NSD1: variants seen among roughly 807,000 people sequenced by gnomAD.
The protein encoded by NSD1 is nuclear receptor binding SET domain protein 1, also known as histone-lysine N-methyltransferase, H3 lysine-36 specific.
Under a neutral mutation model 242.7 loss-of-function variants are expected in NSD1, and 26 were observed. The ratio of observed to expected loss-of-function variants is 0.11; its 90% CI spans 0.08 to 0.15. NSD1 has a LOEUF of 0.15. Among genes scored for constraint, NSD1 ranks in the 10% least tolerant of loss-of-function variants. NSD1 has a pLI of 1.00. For missense variants in NSD1, 2,495 were observed against 3,272.8 expected (o/e 0.76, Z 5.80); for synonymous variants, 1,106 against 1,178.1 (o/e 0.94, Z 1.25).
chr5:177,147,090 G>A (rs1273602570), intron 2 of NSD1, among the ~76,000 whole-genome samples: 1 of 151,506 alleles, frequency 6.6e-6, no homozygotes, highest in Non-Finnish European at 1.5e-5. Context: ...TACATCCATC[G>A]TCTTCTTGGC....
chr5:177,207,881 C>T (rs1453324063), intron 4 of NSD1, among the ~76,000 whole-genome samples: 5 of 151,736 alleles, frequency 3.3e-5, no homozygotes, highest in African/African-American at 1.2e-4. Flanking sequence ...TAGCTGGGAC[C>T]ATATGCATGC....
chr5:177,164,149 C>CTTTT (rs56076836), intron 2 of NSD1, among the ~76,000 whole-genome samples: 24 of 138,386 alleles, frequency 1.7e-4, no homozygotes, highest in Non-Finnish European at 2.1e-4. Context: ...AAAATGTAAC[C>CTTTT]TTTTTTTTTT....
In NSD1 at chr5:177,209,689, G is replaced by C; in HGVS notation, c.1290G>C (p.Gln430His). ...KWEASVGLAE[Q>H]YDVPKGSKNR... ...AAGCCAGTGTTGGACTTGCAGAACA[G>C]TATGATGTTCCCAAGGGGTCAAAGA... Residue 430 changes from glutamine to histidine, a missense_variant, in exon 5 of 23, where the codon CAG (glutamine) becomes CAC (histidine). By Grantham distance (24) the Gln-to-His change is conservative (BLOSUM62 0). Coordinates refer to ENST00000439151, the MANE Select transcript of NSD1 (RefSeq NM_022455.5). 2 of 1,614,012 alleles carry C rather than the reference G, an allele frequency of 1.2e-6. No individual in the cohort carries two copies. The highest frequency in any genetic ancestry group is 1.7e-6 in the Non-Finnish European group (2 of 1,179,948).
At chr5:177,280,109 C>T (rs1001199778) in intron 17 of NSD1, among the ~76,000 whole-genome samples, 3 of 146,312 alleles carry the variant, frequency 2.1e-5, no homozygotes, top group African/African-American at 7.7e-5. Flanking sequence ...TCCCAAGTAG[C>T]TGGGACTACA....
chr5:177,132,487 TC>T (rs908604939), upstream of NSD1, among the ~76,000 whole-genome samples: 16 of 151,546 alleles, frequency 1.1e-4, no homozygotes, highest in African/African-American at 3.6e-4. This position sits in a 1 kb window ranked among gnomAD's most constrained non-coding sequence, Gnocchi z 7.5. Flanking sequence ...GAGGACCCCC[TC>T]CCCCGGCGTT....
intron 12 of NSD1, among the ~76,000 whole-genome samples, chr5:177,255,458 A>C (rs1370701528): frequency 6.6e-6 from 1 of 152,196 alleles, no homozygotes; most frequent in East Asian, 1.9e-4. Context: ...GTTTCCAGCA[A>C]TTACCTGTAG....
intron 9 of NSD1, among the ~76,000 whole-genome samples, chr5:177,246,067 T>A (rs4976642): frequency 0.72 from 109,000 of 151,666 alleles, 40,466 homozygotes; most frequent in Middle Eastern, 0.85. Flanking sequence ...ACCTCCTGGT[T>A]TCAAGTGATT....
intron 16 of NSD1, among the ~76,000 whole-genome samples, chr5:177,271,784 C>T (rs1281032448): frequency 6.6e-6 from 1 of 151,914 alleles, no homozygotes; most frequent in Non-Finnish European, 1.5e-5. Context: ...ATTGTTGGGA[C>T]CATTAAAAGG....
At chr5:177,207,894 C>G (rs559747574) in intron 4 of NSD1, among the ~76,000 whole-genome samples, 13 of 151,800 alleles carry the variant, frequency 8.6e-5, no homozygotes, top group African/African-American at 3.1e-4. Flanking sequence ...ATGCATGCAG[C>G]ATGTCCAGCT....
intron 2 of NSD1, among the ~76,000 whole-genome samples, chr5:177,190,686 C>T (rs950885082): frequency 2.0e-5 from 3 of 147,680 alleles, no homozygotes; most frequent in African/African-American, 5.0e-5. Context: ...TTTTTTTTTT[C>T]CGAGACGGAG....
At chr5:177,196,107 G>A (rs1360658601) in intron 3 of NSD1, among the ~76,000 whole-genome samples, 2 of 152,186 alleles carry the variant, frequency 1.3e-5, no homozygotes, top group African/African-American at 4.8e-5. Flanking sequence ...TGAGTTGGGA[G>A]TTAACTAGGG....
At chr5:177,252,842 T>C (rs1196440973) in intron 12 of NSD1, among the ~76,000 whole-genome samples, 1 of 149,252 alleles carries the variant, frequency 6.7e-6, no homozygotes, top group Non-Finnish European at 1.5e-5. Context: ...TGTTACAGCA[T>C]GTAAACAGTG....
At chr5:177,257,234 T>TTTC in intron 13 of NSD1, 83 bp downstream of exon 13, 1 of 1,148,910 alleles carries the variant, frequency 8.7e-7, no homozygotes, top group Non-Finnish European at 1.2e-6. Context: ...CTTTCTTTTT[T>TTTC]TTTTTTTTTT....
chr5:177,145,822 CA>C (rs1406518699), intron 2 of NSD1, among the ~76,000 whole-genome samples: 1 of 150,692 alleles, frequency 6.6e-6, no homozygotes, highest in African/African-American at 2.4e-5. Context: ...GCAGAAGAAT[CA>C]CTTGAACCCG....
intron 5 of NSD1, among the ~76,000 whole-genome samples, chr5:177,219,244 G>A (rs1764046310): frequency 6.6e-6 from 1 of 151,488 alleles, no homozygotes; most frequent in Non-Finnish European, 1.5e-5. Context: ...GGAGTGAGCT[G>A]GCACGATCTC....
At chr5:177,292,937 G>A (rs769496822) in intron 22 of NSD1, among the ~76,000 whole-genome samples, 5 of 152,156 alleles carry the variant, frequency 3.3e-5, no homozygotes, top group African/African-American at 1.2e-4. Flanking sequence ...GTTGCAGAAC[G>A]TTAAGAACTT....
At chr5:177,183,218 TTTG>T (rs1310690227) in intron 2 of NSD1, among the ~76,000 whole-genome samples, 1 of 152,226 alleles carries the variant, frequency 6.6e-6, no homozygotes, top group East Asian at 1.9e-4. Flanking sequence ...GCATTCTTAA[TTTG>T]TTATTTTTAA....
chr5:177,159,025 TGAATG>T (rs200626613), intron 2 of NSD1, among the ~76,000 whole-genome samples: 107 of 102,440 alleles, frequency 1.0e-3, no homozygotes, highest in Middle Eastern at 4.5e-3. Flanking sequence ...TATATATATA[TGAATG>T]ATATATATAT....
chr5:177,228,640 C>T (rs1195890290), intron 5 of NSD1, among the ~76,000 whole-genome samples: 27 of 151,988 alleles, frequency 1.8e-4, no homozygotes, highest in Admixed American at 1.8e-3. Context: ...TAAATAGGGT[C>T]TAATAATCTG....
Sources: allele counts gnomAD v4.1 joint callset (sites outside exome capture counted in the v4.1 genomes callset), GRCh38; gene constraint gnomAD v4.1.1; non-coding constraint Gnocchi (gnomAD v3.1); transcripts MANE v1.5; gene names NCBI Gene and HGNC (gene_info 2026-07-23, HGNC 2026-07-21).